Variants in FNBP1 observed in about 807,000 individuals in gnomAD.
FNBP1 encodes formin binding protein 1, also known as formin-binding protein 1.
FNBP1 carries 26 observed loss-of-function variants against 90.6 expected under a neutral mutation model. The ratio of observed to expected loss-of-function variants is 0.29; its 90% CI spans 0.21 to 0.40. The LOEUF (loss-of-function observed/expected upper bound fraction) is 0.40, where lower values mean the gene tolerates loss of function less well. Among genes scored for constraint, FNBP1 ranks in the 10% least tolerant of loss-of-function variants. FNBP1 has a pLI of 1.00. For synonymous variants in FNBP1, 260 were observed against 265.2 expected (o/e 0.98, Z 0.19); for missense variants, 635 against 768.0 (o/e 0.83, Z 2.05).
chr9:129,917,115 C>T (rs1470779909), intron 10 of FNBP1, among the ~76,000 whole-genome samples: 2 of 152,030 alleles, frequency 1.3e-5, no homozygotes, highest in Non-Finnish European at 2.9e-5. Context: ...CAGGTTCAAG[C>T]GATTTTCCTG....
chr9:130,030,713 G>C (rs569746587), intron 1 of FNBP1, among the ~76,000 whole-genome samples: 3 of 152,238 alleles, frequency 2.0e-5, no homozygotes, highest in African/African-American at 7.2e-5. Flanking sequence ...AGAACGTACG[G>C]ATCAGCCAAC....
intron 2 of FNBP1, among the ~76,000 whole-genome samples, chr9:129,987,287 G>A (rs1383090272): frequency 6.6e-6 from 1 of 152,056 alleles, no homozygotes; most frequent in Non-Finnish European, 1.5e-5. Context: ...GTCAAGGAGA[G>A]AGGCTGTTGT....
intron 10 of FNBP1, among the ~76,000 whole-genome samples, chr9:129,918,284 T>C (rs531850794): frequency 6.6e-6 from 1 of 152,374 alleles, no homozygotes; most frequent in East Asian, 1.9e-4. Flanking sequence ...GGAATTTCTT[T>C]TTAATCATTA....
intron 8 of FNBP1, 107 bp downstream of exon 8, chr9:129,927,088 G>T: frequency 8.7e-7 from 1 of 1,153,198 alleles, no homozygotes; most frequent in Non-Finnish European, 1.3e-6. Flanking sequence ...ACCACCAAAA[G>T]CAACCATCCA....
At chr9:129,984,843 C>T (rs543737558) in intron 2 of FNBP1, among the ~76,000 whole-genome samples, 16 of 152,166 alleles carry the variant, frequency 1.1e-4, no homozygotes, top group Non-Finnish European at 1.5e-4. Flanking sequence ...TTTCCCTTGC[C>T]GCTGCCATGT....
intron 1 of FNBP1, among the ~76,000 whole-genome samples, chr9:130,002,337 C>T (rs1237017596): frequency 6.6e-6 from 1 of 152,190 alleles, no homozygotes; most frequent in East Asian, 1.9e-4. Flanking sequence ...TGTCTGTCCC[C>T]CTCAAACTTC....
intron 8 of FNBP1, 90 bp downstream of exon 8, chr9:129,927,105 G>T: frequency 7.5e-7 from 1 of 1,324,738 alleles, no homozygotes; most frequent in Non-Finnish European, 1.1e-6. Context: ...TCCACCATGA[G>T]ATGATGACAT....
At chr9:129,959,897 T>C (rs1040489643) in intron 4 of FNBP1, among the ~76,000 whole-genome samples, 5 of 152,138 alleles carry the variant, frequency 3.3e-5, no homozygotes, top group African/African-American at 1.2e-4. Context: ...TTCCTATGAA[T>C]GGAGACATGG....
intron 4 of FNBP1, among the ~76,000 whole-genome samples, chr9:129,963,342 A>G (rs1356058807): frequency 6.6e-6 from 1 of 152,140 alleles, no homozygotes; most frequent in Non-Finnish European, 1.5e-5. Flanking sequence ...TAAAAAAAAA[A>G]GTCTTATTTT....
In FNBP1 at chr9:129,948,356, C is replaced by CTTTTTTTTTTTTT. The variant is rs71385491; in HGVS notation, c.513+8991_513+9003dup. ...TCATACAAAACACCTATTTTGGTGTCTTTTTTTTTTTTTTTTTTTTTTTTT... is the reference window on the plus strand; with the variant it reads ...TCATACAAAACACCTATTTTGGTGTCTTTTTTTTTTTTTTTTTTTTTTTTTTTTTTTTTTTTTT... On this transcript the variant is annotated intron_variant, in intron 6 of 16. Coordinates refer to ENST00000446176, the MANE Select transcript of FNBP1 (RefSeq NM_015033.3). Among the ~76,000 whole-genome samples the CTTTTTTTTTTTTT allele has an allele frequency of 1.4e-3, 90 of 64,472 alleles. 5 individuals carry two copies. The highest frequency in any genetic ancestry group is 1.6e-3 in the Non-Finnish European group (61 of 38,734). The allele number at this position is 64,472 out of a possible 152,430, so 42.3% of individuals were successfully genotyped here. A position where few individuals can be genotyped will look rare whatever the true frequency, so the allele number is the denominator to read the frequency against.
upstream of FNBP1, among the ~76,000 whole-genome samples, chr9:130,045,681 A>G (rs949712739): frequency 1.3e-5 from 2 of 152,240 alleles, no homozygotes; most frequent in African/African-American, 4.8e-5. Flanking sequence ...CTTTAACTTC[A>G]TTAAGCTTTG....
chr9:129,906,787 CT>C (rs544808069), intron 12 of FNBP1, among the ~76,000 whole-genome samples: 37 of 147,694 alleles, frequency 2.5e-4, no homozygotes, highest in Middle Eastern at 3.6e-3. Flanking sequence ...ACTTTGAGCA[CT>C]TTTTTTTTTT....
intron 4 of FNBP1, among the ~76,000 whole-genome samples, chr9:129,969,523 T>C (rs1361915757): frequency 6.6e-6 from 1 of 152,236 alleles, no homozygotes; most frequent in East Asian, 1.9e-4. Context: ...ATTATAACTT[T>C]GTTAGAACAA....
upstream of FNBP1, among the ~76,000 whole-genome samples, chr9:130,043,356 G>C (rs1392361008): frequency 6.6e-6 from 1 of 152,098 alleles, no homozygotes; most frequent in African/African-American, 2.4e-5. Context: ...GGTCCGGAAG[G>C]ACGCGGAGGG....
At chr9:129,916,304 G>A (rs1227738682) in intron 10 of FNBP1, 1 of 253,042 alleles carries the variant, frequency 4.0e-6, no homozygotes, top group Non-Finnish European at 7.7e-6. Context: ...TATAGTCAGT[G>A]ACACATAATG....
intron 4 of FNBP1, among the ~76,000 whole-genome samples, chr9:129,967,376 C>T (rs1407571762): frequency 2.0e-5 from 3 of 152,104 alleles, no homozygotes; most frequent in African/African-American, 4.8e-5. Context: ...ATTAGCCAGG[C>T]GTGGTGGCGG....
intron 6 of FNBP1, among the ~76,000 whole-genome samples, chr9:129,944,069 T>G (rs1022305422): frequency 2.6e-5 from 4 of 151,584 alleles, no homozygotes; most frequent in African/African-American, 4.8e-5. Flanking sequence ...TACTCTACCT[T>G]ATTCCCCAAC....
intron 11 of FNBP1, chr9:129,910,098 C>T (rs2038963652): frequency 4.4e-6 from 2 of 456,120 alleles, no homozygotes. Context: ...TCAACAGTTT[C>T]AGGCTTTGAC....
At chr9:129,964,204 G>A (rs1250143401) in intron 4 of FNBP1, among the ~76,000 whole-genome samples, 7 of 152,290 alleles carry the variant, frequency 4.6e-5, no homozygotes, top group African/African-American at 1.7e-4. Flanking sequence ...TGGACAGTGA[G>A]CAAGTGTGTG....
Sources: gnomAD v4.1 joint callset for allele counts (sites outside exome capture counted in the v4.1 genomes callset) on GRCh38, gnomAD v4.1.1 for gene constraint, MANE v1.5 for transcripts, NCBI Gene and HGNC (gene_info 2026-07-23, HGNC 2026-07-21) for gene names.